Variants in IMMP2L observed in about 807,000 individuals in gnomAD.
The protein encoded by IMMP2L is inner mitochondrial membrane peptidase subunit 2.
IMMP2L carries 18 observed loss-of-function variants against 19.3 expected under a neutral mutation model. That is an observed-to-expected ratio of 0.93 (90% CI 0.64 to 1.38). The LOEUF is 1.38. IMMP2L is among the 40% of genes most tolerant of loss of function. The pLI is 0.00. For synonymous variants in IMMP2L, 76 were observed against 73.0 expected (o/e 1.04, Z -0.21); for missense variants, 233 against 218.2 (o/e 1.07, Z -0.43).
At chr7:111,139,237 G>T (rs1802641504) in intron 3 of IMMP2L, among the ~76,000 whole-genome samples, 1 of 152,018 alleles carries the variant, frequency 6.6e-6, no homozygotes, top group Non-Finnish European at 1.5e-5. Context: ...TTAAAGCTCT[G>T]GGAATTACAG....
chr7:111,450,163 C>T (rs1340722524), intron 3 of IMMP2L, among the ~76,000 whole-genome samples: 1 of 151,418 alleles, frequency 6.6e-6, no homozygotes, highest in African/African-American at 2.4e-5. Flanking sequence ...TCAATGCCAC[C>T]CCCATCAAGC....
intron 4 of IMMP2L, among the ~76,000 whole-genome samples, chr7:110,930,906 C>T (rs917501307): frequency 6.6e-6 from 1 of 152,130 alleles, no homozygotes; most frequent in East Asian, 1.9e-4. Context: ...CCTTTAGTAC[C>T]CAGCAAAGTG....
intron 5 of IMMP2L, among the ~76,000 whole-genome samples, chr7:110,735,663 A>ATATATAT (rs1183678039): frequency 7.8e-6 from 1 of 128,806 alleles, no homozygotes; most frequent in East Asian, 2.4e-4. Flanking sequence ...ATATATATAT[A>ATATATAT]TATATATAGT....
At position 110,760,123 on chromosome 7, in the gene IMMP2L, A is replaced by G. The variant is rs1798262770; in HGVS notation, c.409-96402T>C. Among the ~76,000 whole-genome samples the G allele has an allele frequency of 3.3e-5, 5 of 152,056 alleles. No homozygotes were observed. The highest frequency in any genetic ancestry group is 5.9e-5 in the Non-Finnish European group (4 of 68,008). ...AAACCGTTTTATTTTTCTAATTATT[A>G]TCTACTTATCAGCCTTGGGTTGAGA... On this transcript the variant is annotated intron_variant, in intron 5 of 5. Transcript: ENST00000405709. The surrounding 1 kb of genome is among the most constrained non-coding windows in gnomAD (Gnocchi z 4.2).
intron 3 of IMMP2L, among the ~76,000 whole-genome samples, chr7:111,337,328 A>G (rs1423510822): frequency 6.6e-6 from 1 of 152,182 alleles, no homozygotes; most frequent in African/African-American, 2.4e-5. Context: ...TTATTTAAGA[A>G]TAGCCAATAA....
At chr7:111,051,408 A>G (rs1792997244) in intron 3 of IMMP2L, among the ~76,000 whole-genome samples, 1 of 152,246 alleles carries the variant, frequency 6.6e-6, no homozygotes, top group Admixed American at 6.5e-5. Flanking sequence ...AGGACAAAGA[A>G]ACAGGAGAGG....
At chr7:111,308,367 C>A (rs1823115228) in intron 3 of IMMP2L, among the ~76,000 whole-genome samples, 1 of 151,820 alleles carries the variant, frequency 6.6e-6, no homozygotes, top group Admixed American at 6.6e-5. Context: ...AACTTTGGGT[C>A]TTATTGGTGA....
chr7:111,556,018 G>GTGTGTATATATATATATATATA (rs777862357), intron 1 of IMMP2L, among the ~76,000 whole-genome samples: 6,450 of 91,008 alleles, frequency 0.071, 849 homozygotes, highest in East Asian at 0.12. Context: ...CTGTGTGCAT[G>GTGTGTATATATATATATATATA]TATATATATA....
intron 3 of IMMP2L, among the ~76,000 whole-genome samples, chr7:111,059,652 A>G (rs1793834389): frequency 6.6e-6 from 1 of 152,196 alleles, no homozygotes; most frequent in Non-Finnish European, 1.5e-5. Context: ...ATATTTTAGC[A>G]TGAGTATTTG....
intron 3 of IMMP2L, among the ~76,000 whole-genome samples, chr7:111,184,365 G>T (rs1441098820): frequency 1.3e-5 from 2 of 151,940 alleles, no homozygotes; most frequent in African/African-American, 4.8e-5. Flanking sequence ...CAAAAATTAT[G>T]TTGTACAGAA....
At chr7:111,441,669 T>A (rs552104489) in intron 3 of IMMP2L, among the ~76,000 whole-genome samples, 19 of 147,804 alleles carry the variant, frequency 1.3e-4, no homozygotes, top group African/African-American at 4.6e-4. Context: ...GTTGAAAAAA[T>A]GGTCCCAACG....
At chr7:110,865,096 A>C (rs1807846096) in intron 5 of IMMP2L, among the ~76,000 whole-genome samples, 1 of 152,062 alleles carries the variant, frequency 6.6e-6, no homozygotes, top group Non-Finnish European at 1.5e-5. Context: ...AGTATTTAAA[A>C]TTTGTATATT....
At chr7:111,028,567 T>C (rs865989879) in intron 3 of IMMP2L, among the ~76,000 whole-genome samples, 1 of 152,144 alleles carries the variant, frequency 6.6e-6, no homozygotes, top group Non-Finnish European at 1.5e-5. Context: ...GAAGATGGTA[T>C]GACTGTCTGC....
intron 3 of IMMP2L, among the ~76,000 whole-genome samples, chr7:111,128,159 A>G (rs1195225642): frequency 2.6e-5 from 4 of 152,170 alleles, no homozygotes; most frequent in Non-Finnish European, 5.9e-5. Flanking sequence ...TAGTTTATTC[A>G]TTTAATTATC....
At chr7:110,672,017 C>CAAAACA (rs1425353806) in intron 5 of IMMP2L, among the ~76,000 whole-genome samples, 2 of 151,680 alleles carry the variant, frequency 1.3e-5, no homozygotes, top group African/African-American at 4.8e-5. Context: ...CTGAAAAAAA[C>CAAAACA]AAAACAAAAA....
intron 3 of IMMP2L, among the ~76,000 whole-genome samples, chr7:110,969,054 T>A (rs2129556304): frequency 6.6e-6 from 1 of 152,228 alleles, no homozygotes; most frequent in African/African-American, 2.4e-5. Flanking sequence ...TGGTCAACTT[T>A]TATTACACAA....
At chr7:111,106,803 T>C (rs1798599768) in intron 3 of IMMP2L, among the ~76,000 whole-genome samples, 1 of 150,704 alleles carries the variant, frequency 6.6e-6, no homozygotes, top group Non-Finnish European at 1.5e-5. Context: ...CCAAAAAAAA[T>C]GGAATCAACA....
intron 5 of IMMP2L, among the ~76,000 whole-genome samples, chr7:110,720,280 CT>C (rs1795486271): frequency 6.6e-6 from 1 of 152,102 alleles, no homozygotes; most frequent in Non-Finnish European, 1.5e-5. Context: ...TCTATTTATT[CT>C]AGAAAGTCAG....
At chr7:110,732,958 A>T (rs942072629) in intron 5 of IMMP2L, among the ~76,000 whole-genome samples, 1 of 151,950 alleles carries the variant, frequency 6.6e-6, no homozygotes, top group Non-Finnish European at 1.5e-5. Flanking sequence ...GCTAATTTTT[A>T]AAAATATTCT....
Sources: gnomAD v4.1 joint callset for allele counts (sites outside exome capture counted in the v4.1 genomes callset) on GRCh38, gnomAD v4.1.1 for gene constraint, Gnocchi (gnomAD v3.1) non-coding constraint, MANE v1.5 for transcripts, NCBI Gene and HGNC (gene_info 2026-07-23, HGNC 2026-07-21) for gene names.